Variants in ANKRD34A observed in about 807,000 individuals in gnomAD.
ANKRD34A encodes the protein ankyrin repeat domain 34A, also known as ankyrin repeat domain-containing protein 34A.
ANKRD34A carries 7 observed loss-of-function variants against 27.1 expected under a neutral mutation model. The ratio of observed to expected loss-of-function variants is 0.26; its 90% CI spans 0.15 to 0.49. ANKRD34A has a LOEUF of 0.49. Among genes scored for constraint, ANKRD34A ranks in the 20% least tolerant of loss-of-function variants. The pLI, the probability that ANKRD34A is intolerant of heterozygous loss-of-function variation, is 0.99. For synonymous variants in ANKRD34A, 301 were observed against 300.8 expected, an observed-to-expected ratio of 1.00 and a Z score of -0.01; for missense variants, 472 against 682.1, an observed-to-expected ratio of 0.69 and a Z score of 3.43.
chr1:145,963,885 T>C (rs985909034), intron 1 of ANKRD34A, among the ~76,000 whole-genome samples: 21 of 152,176 alleles, frequency 1.4e-4, no homozygotes, highest in African/African-American at 4.8e-4. Flanking sequence ...TTCTGTCCTA[T>C]GGCAAAGACT....
In ANKRD34A at chr1:145,960,128, T is replaced by G; in HGVS notation, c.*141A>C. 1 of 1,004,756 alleles carries G rather than the reference T, an allele frequency of 1.0e-6. No individual in the cohort carries two copies. Among genetic ancestry groups the G allele is most frequent in the Non-Finnish European group, 1.4e-6 (1 of 721,120 alleles). 62.2% of individuals were successfully genotyped at this position (1,004,756 alleles called of 1,614,324 possible). ...TAAGAGTACTGTGCTTATGGACACA[T>G]GTTTAACCATGTGTGGGTGCACTGT... On this transcript the variant is annotated 3_prime_UTR_variant, in exon 4 of 4. Coordinates refer to ENST00000606888, the MANE Select transcript of ANKRD34A (RefSeq NM_001039888.4). The surrounding 1 kb of genome is among the most constrained non-coding windows in gnomAD (Gnocchi z 5.5).
At position 145,960,560 on chromosome 1, in the gene ANKRD34A, A is replaced by G; in HGVS notation, c.1200T>C (p.Ser400=). The G allele has an allele frequency of 6.3e-7, 1 of 1,584,074 alleles. No individual in the cohort carries two copies. Among genetic ancestry groups the G allele is most frequent in the Non-Finnish European group, 8.6e-7 (1 of 1,164,780 alleles). Residue 400 remains serine, a synonymous_variant, in exon 4 of 4, where the codon AGT becomes AGC. Transcript: ENST00000606888. This position sits in a 1 kb window ranked among gnomAD's most constrained non-coding sequence, Gnocchi z 5.5. ...AGCCCCTCCGCTCCAGCAGCCCCGGACTCCGCCTCCTTCCGCTTAGCGGAG... is the reference window on the plus strand; with the variant it reads ...AGCCCCTCCGCTCCAGCAGCCCCGGGCTCCGCCTCCTTCCGCTTAGCGGAG... ...AVSPLSGRRR[S]PGLLERRGSG... is the part of the protein sequence containing the mutation.
chr1:145,962,155 C>A, intron 3 of ANKRD34A: 1 of 215,242 alleles, frequency 4.6e-6, no homozygotes. Flanking sequence ...CTCTGTCCCC[C>A]TTGTCTTATC....
chr1:145,961,915 G>A lies in ANKRD34A; in HGVS notation c.-120-36C>T, dbSNP rs587632262. 203 of 883,590 alleles carry A rather than the reference G, an allele frequency of 2.3e-4. No homozygotes were observed. Among genetic ancestry groups the A allele is most frequent in the Middle Eastern group, 1.1e-3 (3 of 2,816 alleles). The allele number at this position is 883,590 out of a possible 1,614,324, so 54.7% of individuals were successfully genotyped here. A position where few individuals can be genotyped will look rare whatever the true frequency, so the allele number is the denominator to read the frequency against. On this transcript the variant is annotated intron_variant, in intron 3 of 3. Coordinates refer to ENST00000606888, the MANE Select transcript of ANKRD34A (RefSeq NM_001039888.4). This position sits in a 1 kb window ranked among gnomAD's most constrained non-coding sequence, Gnocchi z 9.5. Reference sequence around the variant, plus strand: ...GACATCTCATTGATAGATTCGGCAGGAAAACTGAGGCACAGATGCAGGGAC... The same window carrying A: ...GACATCTCATTGATAGATTCGGCAGAAAAACTGAGGCACAGATGCAGGGAC...
chr1:145,960,942 G>T lies in ANKRD34A; in HGVS notation c.818C>A (p.Ala273Asp), dbSNP rs1553761265. 1.2e-6 allele frequency: 2 copies of T among 1,614,204 alleles called. No individual in the cohort carries two copies. Among genetic ancestry groups the T allele is most frequent in the Non-Finnish European group, 8.5e-7 (1 of 1,180,030 alleles). ...GGTCAGGGTCAGGCCATTGAATTCG[G>T]CAGTCAAGCGCTCGATCCCCGGTCT... is the stretch of plus-strand genomic sequence containing the variant. ...EGRPGIERLT[A>D]EFNGLTLTGR... The change falls in exon 4 of 4, where the codon GCC becomes GAC. Residue 273 changes from alanine (A) to aspartate (D), a missense_variant. Physicochemically the swap from Ala to Asp is moderately radical, Grantham distance 126. Coordinates refer to ENST00000606888, the MANE Select transcript of ANKRD34A (RefSeq NM_001039888.4). The surrounding 1 kb of genome is among the most constrained non-coding windows in gnomAD (Gnocchi z 5.5).
chr1:145,960,480 G>A lies in ANKRD34A; in HGVS notation c.1280C>T (p.Pro427Leu). ...GGGAGGGTGGGGACTGACGTTGAGAGGGGGTAGGAAACCCGGCCGCGTTTG... is the reference window on the plus strand; with the variant it reads ...GGGAGGGTGGGGACTGACGTTGAGAAGGGGTAGGAAACCCGGCCGCGTTTG... ...ISQTRPGFLP[P>L]LNVSPHPPIP... Residue 427 changes from proline to leucine, a missense_variant, in exon 4 of 4, where the codon CCT becomes CTT. Physicochemically the swap from Pro to Leu is moderately conservative, Grantham distance 98 (BLOSUM62 -3). Coordinates refer to ENST00000606888, the MANE Select transcript of ANKRD34A (RefSeq NM_001039888.4). This position sits in a 1 kb window ranked among gnomAD's most constrained non-coding sequence, Gnocchi z 5.5. The A allele has an allele frequency of 6.2e-7, 1 of 1,604,076 alleles. No homozygotes were observed. The highest frequency in any genetic ancestry group is 1.1e-5 in the South Asian group (1 of 89,160).
In ANKRD34A at chr1:145,960,386, C is replaced by T. The variant is rs782073652; in HGVS notation, c.1374G>A (p.Ala458=). Residue 458 remains alanine, a synonymous_variant, in exon 4 of 4, where the codon GCG becomes GCA. Coordinates refer to ENST00000606888, the MANE Select transcript of ANKRD34A (RefSeq NM_001039888.4). This position sits in a 1 kb window ranked among gnomAD's most constrained non-coding sequence, Gnocchi z 5.5. ...TGCGCTTGGTCCTGGGAGAGCCTGGCGCCCCGGCATAAGGAGGGGCAGGCA... is the reference window on the plus strand; with the variant it reads ...TGCGCTTGGTCCTGGGAGAGCCTGGTGCCCCGGCATAAGGAGGGGCAGGCA... The part of the protein sequence containing the change: ...PSLPAPPYAG[A]PGSPRTKRKL... The T allele has an allele frequency of 6.2e-7, 1 of 1,613,754 alleles. No individual in the cohort carries two copies. The highest frequency in any genetic ancestry group is 1.7e-5 in the Admixed American group (1 of 59,994).
rs1553761237 is a variant in ANKRD34A, at chr1:145,960,855, G to A, written c.905C>T (p.Ala302Val). ...TEGPEDPPPW[A>V]EKVTSGGPLS... Reference sequence around the variant, plus strand: ...AGGACCCCCGCTAGTCACTTTCTCCGCCCATGGGGGCGGGTCCTCAGGGCC... The same window carrying A: ...AGGACCCCCGCTAGTCACTTTCTCCACCCATGGGGGCGGGTCCTCAGGGCC... Residue 302 changes from alanine to valine, a missense_variant, in exon 4 of 4, where the codon GCG (alanine) becomes GTG (valine). By Grantham distance (64) the Ala-to-Val change is moderately conservative (BLOSUM62 0). This residue lies in a region of ANKRD34A where 295 missense variants were observed against 335.0 expected (regional missense o/e 0.88). Transcript: ENST00000606888. This position sits in a 1 kb window ranked among gnomAD's most constrained non-coding sequence, Gnocchi z 5.5. The A allele has an allele frequency of 6.2e-7, 1 of 1,614,208 alleles. No individual in the cohort carries two copies. The highest frequency in any genetic ancestry group is 1.1e-5 in the South Asian group (1 of 91,082).
Position 145,961,792 on chromosome 1 carries a change from C to G in ANKRD34A, c.-33G>C, listed in dbSNP as rs1649776607. On this transcript the variant is annotated 5_prime_UTR_variant, in exon 4 of 4. Transcript: ENST00000606888. The surrounding 1 kb of genome is among the most constrained non-coding windows in gnomAD (Gnocchi z 9.5). ...GCTGGGGCGAGGGCACAGATGGAGC[C>G]GGGACTGAGACCTGCCGAGGATGAC... The G allele has an allele frequency of 6.3e-7, 1 of 1,585,554 alleles. No individual in the cohort carries two copies. Among genetic ancestry groups the G allele is most frequent in the Non-Finnish European group, 8.5e-7 (1 of 1,169,868 alleles).
At position 145,960,256 on chromosome 1, in the gene ANKRD34A, C is replaced by T. The variant is rs782136873; in HGVS notation, c.*13G>A. On this transcript the variant is annotated 3_prime_UTR_variant, in exon 4 of 4. Transcript: ENST00000606888. The surrounding 1 kb of genome is among the most constrained non-coding windows in gnomAD (Gnocchi z 5.5). ...GTCCTAATCCCCACCCTCCTTGGCT[C>T]CTCTCACTCCTCTCAGCGCCCTGGC... The T allele has an allele frequency of 1.3e-6, 2 of 1,507,950 alleles. No individual in the cohort carries two copies. The highest frequency in any genetic ancestry group is 2.8e-5 in the African/African-American group (2 of 71,498). The allele number at this position is 1,507,950 out of a possible 1,614,324, so 93.4% of individuals were successfully genotyped here.
rs1212492586 is a variant in ANKRD34A at position 145,962,429 on chromosome 1, C to T, written c.-129G>A. 1.3e-5 allele frequency: 2 copies of T among 151,926 alleles called. No homozygotes were observed. The highest frequency in any genetic ancestry group is 2.9e-5 in the Non-Finnish European group (2 of 68,066). 9.4% of individuals were successfully genotyped at this position (151,926 alleles called of 1,614,324 possible). On this transcript the variant is annotated 5_prime_UTR_variant, in exon 3 of 4. Transcript: ENST00000606888. Reference sequence around the variant, plus strand: ...TGTGCCCAGATAGATACCTGAATGTCCGCAGAATCTCCGCCTGGCCAGGAT... The same window carrying T: ...TGTGCCCAGATAGATACCTGAATGTTCGCAGAATCTCCGCCTGGCCAGGAT...
chr1:145,962,618 G>C lies in ANKRD34A; in HGVS notation c.-318C>G, dbSNP rs1239749255. ...GCGCCCCGGGCACAGCGCCGGCTCG[G>C]GAGGAGAGAAGCTTGGCGGGGGGGG... On this transcript the variant is annotated 5_prime_UTR_variant, in exon 3 of 4. Transcript: ENST00000606888. 1 of 131,788 alleles carries C rather than the reference G, an allele frequency of 7.6e-6. No homozygotes were observed. 8.2% of individuals were successfully genotyped at this position (131,788 alleles called of 1,614,324 possible).
In ANKRD34A at chr1:145,959,553, T is replaced by G. The variant is rs975264186; in HGVS notation, c.*716A>C. ...AAGCTCAGACAGACAGAAGAGCAGC[T>G]TAGAGCCCATGACCCACCCCCTGGG... On this transcript the variant is annotated 3_prime_UTR_variant, in exon 4 of 4. Transcript: ENST00000606888. 1 of 167,024 alleles carries G rather than the reference T, an allele frequency of 6.0e-6. No individual in the cohort carries two copies. Among genetic ancestry groups the G allele is most frequent in the Admixed American group, 6.5e-5 (1 of 15,268 alleles). 10.3% of individuals were successfully genotyped at this position (167,024 alleles called of 1,614,324 possible). A position where few individuals can be genotyped will look rare whatever the true frequency, so the allele number is the denominator to read the frequency against.
rs1649664908 is a variant in ANKRD34A, at chr1:145,960,157, C to A, written c.*112G>T. On this transcript the variant is annotated 3_prime_UTR_variant, in exon 4 of 4. Coordinates refer to ENST00000606888, the MANE Select transcript of ANKRD34A (RefSeq NM_001039888.4). This position sits in a 1 kb window ranked among gnomAD's most constrained non-coding sequence, Gnocchi z 5.5. ...TAACCATGTGTGGGTGCACTGTGCA[C>A]CCATGAGCACATGCAAGAGATCCCT... is the stretch of plus-strand genomic sequence containing the variant. The A allele has an allele frequency of 7.5e-7, 1 of 1,325,696 alleles. No homozygotes were observed. Among genetic ancestry groups the A allele is most frequent in the African/African-American group, 1.5e-5 (1 of 66,964 alleles). 82.1% of individuals were successfully genotyped at this position (1,325,696 alleles called of 1,614,324 possible). A position where few individuals can be genotyped will look rare whatever the true frequency, so the allele number is the denominator to read the frequency against.
At chr1:145,963,651 A>G (rs1649885286) in intron 1 of ANKRD34A, 114 bp from the exon 2 acceptor site, 1 of 152,250 alleles carries the variant, frequency 6.6e-6, no homozygotes, top group South Asian at 2.1e-4. Context: ...CAAGATACTG[A>G]AAATAATGTT....
At position 145,961,146 on chromosome 1, in the gene ANKRD34A, T is replaced by C. The variant is rs782126693; in HGVS notation, c.614A>G (p.Gln205Arg). The change falls in exon 4 of 4, where the codon CAG (glutamine) becomes CGG (arginine). Residue 205 changes from glutamine to arginine, a missense_variant. Transcript: ENST00000606888. This position sits in a 1 kb window ranked among gnomAD's most constrained non-coding sequence, Gnocchi z 9.5. ...TACGTCCCGCTTCTCCTCTTCTTCC[T>C]GGGCGCGAGGGGATAACATCCCACG... Reference protein sequence around the residue: ...GGRGMLSPRAQEEEEKRDVFE... With the variant: ...GGRGMLSPRAREEEEKRDVFE... 1.9e-6 allele frequency: 3 copies of C among 1,614,148 alleles called. No homozygotes were observed. The highest frequency in any genetic ancestry group is 1.1e-5 in the South Asian group (1 of 91,084).
Position 145,959,906 on chromosome 1 carries a change from T to G in ANKRD34A, c.*363A>C, listed in dbSNP as rs1649652599. 2 of 258,674 alleles carry G rather than the reference T, an allele frequency of 7.7e-6. No homozygotes were observed. The highest frequency in any genetic ancestry group is 1.5e-4 in the East Asian group (2 of 13,084). The allele number at this position is 258,674 out of a possible 1,614,324, so 16.0% of individuals were successfully genotyped here. A position where few individuals can be genotyped will look rare whatever the true frequency, so the allele number is the denominator to read the frequency against. On this transcript the variant is annotated 3_prime_UTR_variant, in exon 4 of 4. Coordinates refer to ENST00000606888, the MANE Select transcript of ANKRD34A (RefSeq NM_001039888.4). ...TTGCTTCTGCAGGAGGGCAAAGACA[T>G]CGGAGACTGCCCATAAGTAAGGGTT...
At position 145,960,656 on chromosome 1, in the gene ANKRD34A, C is replaced by A; in HGVS notation, c.1104G>T (p.Pro368=). 2 of 1,597,072 alleles carry A rather than the reference C, an allele frequency of 1.3e-6. No homozygotes were observed. Among genetic ancestry groups the A allele is most frequent in the Non-Finnish European group, 1.7e-6 (2 of 1,169,878 alleles). ...SLERRRYSAS[P]LTLPPAGSAP... ...CCGAGCCGGCTGGAGGGAGGGTCAA[C>A]GGGGAGGCGCTGTATCGGCGGCGCT... The change falls in exon 4 of 4, where the codon CCG becomes CCT. Residue 368 remains proline (P), a synonymous_variant. Transcript: ENST00000606888. The surrounding 1 kb of genome is among the most constrained non-coding windows in gnomAD (Gnocchi z 5.5).
Position 145,961,920 on chromosome 1 carries a change from C to G in ANKRD34A, c.-120-41G>C. 1.2e-6 allele frequency: 1 copy of G among 857,770 alleles called. No homozygotes were observed. Among genetic ancestry groups the G allele is most frequent in the Non-Finnish European group, 1.7e-6 (1 of 575,510 alleles). The allele number at this position is 857,770 out of a possible 1,614,324, so 53.1% of individuals were successfully genotyped here. A position where few individuals can be genotyped will look rare whatever the true frequency, so the allele number is the denominator to read the frequency against. ...CTCATTGATAGATTCGGCAGGAAAACTGAGGCACAGATGCAGGGACCCAGC... is the reference window on the plus strand; with the variant it reads ...CTCATTGATAGATTCGGCAGGAAAAGTGAGGCACAGATGCAGGGACCCAGC... On this transcript the variant is annotated intron_variant, in intron 3 of 3. Transcript: ENST00000606888. The surrounding 1 kb of genome is among the most constrained non-coding windows in gnomAD (Gnocchi z 9.5).
Sources: gnomAD v4.1 joint callset for allele counts (sites outside exome capture counted in the v4.1 genomes callset) on GRCh38, gnomAD v4.1.1 for gene constraint, gnomAD v4.1.1 regional missense constraint, Gnocchi (gnomAD v3.1) non-coding constraint, MANE v1.5 for transcripts, NCBI Gene and HGNC (gene_info 2026-07-23, HGNC 2026-07-21) for gene names.